The following PARP9 variants were observed in gnomAD, a reference collection of about 807,000 sequenced individuals.
PARP9 encodes protein mono-ADP-ribosyltransferase PARP9.
A neutral mutation model predicts 68.8 loss-of-function variants in PARP9; 48 were observed. The observed-to-expected ratio is 0.70, with a 90% CI of 0.55 to 0.89. The LOEUF (loss-of-function observed/expected upper bound fraction) is 0.89. Among genes scored for constraint, PARP9 ranks in the 40% least tolerant of loss-of-function variants. PARP9 has a pLI of 0.00. For synonymous variants in PARP9, 309 were observed against 333.8 expected, an observed-to-expected ratio of 0.93 and a Z score of 0.81; for missense variants, 806 against 969.3, an observed-to-expected ratio of 0.83 and a Z score of 2.24.
intron 10 of PARP9, among the ~76,000 whole-genome samples, chr3:122,529,580 C>G (rs1230695518): frequency 6.6e-6 from 1 of 151,440 alleles, no homozygotes; most frequent in Non-Finnish European, 1.5e-5. Flanking sequence ...GAAACCCCGT[C>G]TCTACTAAAA....
chr3:122,541,785 T>C (rs1015945481), intron 7 of PARP9, among the ~76,000 whole-genome samples: 2 of 152,220 alleles, frequency 1.3e-5, no homozygotes, highest in African/African-American at 4.8e-5. Context: ...CCCATGGCTA[T>C]AGGACTAGTT....
chr3:122,559,656 T>C lies in PARP9; in HGVS notation c.-36A>G. 6.4e-7 allele frequency: 1 copy of C among 1,573,246 alleles called. No homozygotes were observed. Among genetic ancestry groups the C allele is most frequent in the South Asian group, 1.2e-5 (1 of 80,498 alleles). ...CCCGGGGGAGTCTTTAAATGTTTAT[T>C]CCCTTTTGCGCTTCAAAGCATAGAC... On this transcript the variant is annotated 5_prime_UTR_variant, in exon 2 of 11. Transcript: ENST00000682323.
intron 7 of PARP9, among the ~76,000 whole-genome samples, chr3:122,544,031 C>T (rs1323277072): frequency 6.6e-6 from 1 of 152,214 alleles, no homozygotes; most frequent in Non-Finnish European, 1.5e-5. Flanking sequence ...GACATACAGA[C>T]CTTTTTATGT....
chr3:122,558,237 G>A, intron 3 of PARP9, 197 bp downstream of exon 3: 2 of 1,434,852 alleles, frequency 1.4e-6, no homozygotes, highest in East Asian at 2.3e-5. Context: ...GAGAGGAATG[G>A]TGTAGGCCTT....
Position 122,533,675 on chromosome 3 carries a change from C to T in PARP9, c.2080+2493G>A, listed in dbSNP as rs373916380. On this transcript the variant is annotated intron_variant, in intron 10 of 10. Coordinates refer to ENST00000682323, the MANE Select transcript of PARP9 (RefSeq NM_001146105.2). ...TTCATAGAATGTGCTTAATAAATAC[C>T]TGTGGAACAAATGAATCAACCCAGT... The T allele has an allele frequency of 2.8e-5, 28 of 984,600 alleles. No individual in the cohort carries two copies. In the East Asian group the frequency reaches 1.1e-3, roughly 40 times the overall value. The allele number at this position is 984,600 out of a possible 1,614,324, so 61.0% of individuals were successfully genotyped here. A position where few individuals can be genotyped will look rare whatever the true frequency, so the allele number is the denominator to read the frequency against.
At chr3:122,540,407 G>T in intron 8 of PARP9, 65 bp downstream of exon 8, 1 of 1,568,542 alleles carries the variant, frequency 6.4e-7, no homozygotes, top group Non-Finnish European at 8.7e-7. Context: ...ATACATACAC[G>T]CTCACACCCA....
intron 8 of PARP9, among the ~76,000 whole-genome samples, chr3:122,540,053 C>T (rs1041090615): frequency 2.0e-5 from 3 of 152,158 alleles, no homozygotes; most frequent in African/African-American, 7.2e-5. Context: ...GTAATTTTAG[C>T]GTTCCTAATG....
upstream of PARP9, chr3:122,564,729 G>GCGGTGGCGGA: frequency 7.7e-7 from 1 of 1,295,968 alleles, no homozygotes; most frequent in Non-Finnish European, 1.0e-6. Flanking sequence ...ATGTCACTGT[G>GCGGTGGCGGA]CGGTGGCGGA....
chr3:122,536,081 C>T, intron 10 of PARP9, 87 bp downstream of exon 10: 1 of 1,604,802 alleles, frequency 6.2e-7, no homozygotes, highest in African/African-American at 1.3e-5. Context: ...TTCCCCACAA[C>T]AACAAATGCT....
At chr3:122,536,905 A>G (rs2077686271) in intron 9 of PARP9, 29 bp downstream of exon 9, 1 of 1,587,162 alleles carries the variant, frequency 6.3e-7, no homozygotes, top group South Asian at 1.2e-5. Context: ...CAACAAAATG[A>G]GCCAAATCTT....
chr3:122,543,656 G>A (rs768911894), intron 7 of PARP9, among the ~76,000 whole-genome samples: 13 of 152,082 alleles, frequency 8.5e-5, no homozygotes, highest in Non-Finnish European at 1.5e-5. Context: ...TGTCACCCAG[G>A]TTGGAGTGCA....
Position 122,552,617 on chromosome 3 carries a change from A to G in PARP9, c.908T>C (p.Val303Ala). The G allele has an allele frequency of 6.2e-7, 1 of 1,611,444 alleles. No homozygotes were observed. Among genetic ancestry groups the G allele is most frequent in the Middle Eastern group, 1.7e-4 (1 of 6,026 alleles). The change falls in exon 5 of 11, where the codon GTA (valine) becomes GCA (alanine). Residue 303 changes from valine to alanine, a missense_variant. Physicochemically the swap from Val to Ala is moderately conservative, Grantham distance 64 (BLOSUM62 0). Coordinates refer to ENST00000682323, the MANE Select transcript of PARP9 (RefSeq NM_001146105.2). ...TCCAACTGTAATATCATGTGGGTTT[A>G]CAGAATTAACAATTACATCTGCCTG... Reference protein sequence around the residue: ...WQTADVIVNSVNPHDITVGPV... With the variant: ...WQTADVIVNSANPHDITVGPV...
At chr3:122,556,715 A>ACGTT (rs750601980) in intron 3 of PARP9, among the ~76,000 whole-genome samples, 130 of 152,284 alleles carry the variant, frequency 8.5e-4, no homozygotes, top group Non-Finnish European at 1.7e-3. Context: ...AGCACGTGTA[A>ACGTT]CTAGGCAGAT....
chr3:122,547,431 A>G (rs942723174), intron 6 of PARP9, among the ~76,000 whole-genome samples: 2 of 151,868 alleles, frequency 1.3e-5, no homozygotes, highest in Admixed American at 1.3e-4. Flanking sequence ...TCCCTGGGGG[A>G]GCGCTCAGAC....
intron 3 of PARP9, 92 bp from the exon 4 acceptor site, chr3:122,556,213 G>A: frequency 1.2e-6 from 1 of 853,744 alleles, no homozygotes; most frequent in Non-Finnish European, 1.7e-6. Context: ...CATACCAGGA[G>A]ACTGTGTTTC....
intron 7 of PARP9, among the ~76,000 whole-genome samples, chr3:122,542,377 G>C (rs990142411): frequency 6.8e-6 from 1 of 147,740 alleles, no homozygotes; most frequent in Non-Finnish European, 1.5e-5. Context: ...GCATGAGTCA[G>C]CATGCCTGGC....
At chr3:122,528,766 A>G (rs2077095115) in intron 10 of PARP9, 23 bp from the exon 11 acceptor site, 1 of 1,524,236 alleles carries the variant, frequency 6.6e-7, no homozygotes, top group African/African-American at 1.4e-5. Context: ...AAAATAAAAT[A>G]AAAAGATTAT....
chr3:122,541,142 G>A (rs564565384), intron 7 of PARP9, among the ~76,000 whole-genome samples: 6 of 152,204 alleles, frequency 3.9e-5, no homozygotes, highest in Admixed American at 3.3e-4. Context: ...TGCCTGCCTC[G>A]GCCTCCCACA....
At chr3:122,549,659 T>C (rs9289196) in intron 6 of PARP9, among the ~76,000 whole-genome samples, 26,864 of 151,948 alleles carry the variant, frequency 0.18, 2,643 homozygotes, top group East Asian at 0.45. Context: ...CATGTGCCTG[T>C]AGTGCCTGCT....
Sources: allele counts gnomAD v4.1 joint callset (sites outside exome capture counted in the v4.1 genomes callset), GRCh38; gene constraint gnomAD v4.1.1; transcripts MANE v1.5; gene names NCBI Gene and HGNC (gene_info 2026-07-23, HGNC 2026-07-21).